ZNF584: variants seen among roughly 807,000 people sequenced by gnomAD.
ZNF584 encodes zinc finger protein 584.
Under a neutral mutation model 14.7 loss-of-function variants are expected in ZNF584, and 12 were observed. The observed-to-expected ratio is 0.82, with a 90% CI of 0.52 to 1.32. The LOEUF (loss-of-function observed/expected upper bound fraction) is 1.32, where lower values mean the gene tolerates loss of function less well. ZNF584 is among the 40% of genes most tolerant of loss of function. The probability of loss-of-function intolerance (pLI) is 0.00; values close to 1 mark genes in which losing one functional copy is unlikely to be tolerated. For missense variants in ZNF584, 478 were observed against 518.8 expected, an observed-to-expected ratio of 0.92 and a Z score of 0.76; for synonymous variants, 204 against 190.9, an observed-to-expected ratio of 1.07 and a Z score of -0.57.
In ZNF584 at chr19:58,410,544, T is replaced by C. The variant is rs1430945490; in HGVS notation, c.169+453T>C. On this transcript the variant is annotated intron_variant, in intron 2 of 3. Transcript: ENST00000306910. ...ATATATATATATATATATATATATATATATATATATATATGTGTATATATA... is the reference window on the plus strand; with the variant it reads ...ATATATATATATATATATATATATACATATATATATATATGTGTATATATA... Among the ~76,000 whole-genome samples the C allele has an allele frequency of 7.1e-4, 44 of 61,702 alleles. 10 individuals are homozygous for C. The highest frequency in any genetic ancestry group is 5.1e-3 in the African/African-American group (42 of 8,306). The allele number at this position is 61,702 out of a possible 152,430, so 40.5% of individuals were successfully genotyped here.
At chr19:58,413,479 GGGATTAC>G (rs1345059880) in intron 2 of ZNF584, among the ~76,000 whole-genome samples, 60 of 151,754 alleles carry the variant, frequency 4.0e-4, no homozygotes, top group Middle Eastern at 3.4e-3. Flanking sequence ...CCAAGTCGCT[GGGATTAC>G]AGGCATGTGC....
At chr19:58,405,310 C>T (rs1249676176), upstream of ZNF584, 11 of 81,534 alleles carry the variant, frequency 1.3e-4, no homozygotes, top group Non-Finnish European at 2.0e-4. Flanking sequence ...GCTGGCCGGG[C>T]AGAAGGGCTC....
chr19:58,410,675 GTATATATATGTATATATGTA>G lies in ZNF584; in HGVS notation c.169+604_169+623del, dbSNP rs1162482774. Among the ~76,000 whole-genome samples, 3 of 48,890 alleles carry G rather than the reference GTATATATATGTATATATGTA, an allele frequency of 6.1e-5. 1 individual carries two copies. Among genetic ancestry groups the G allele is most frequent in the Non-Finnish European group, 1.0e-4 (3 of 29,840 alleles). The allele number at this position is 48,890 out of a possible 152,430, so 32.1% of individuals were successfully genotyped here. On this transcript the variant is annotated intron_variant, in intron 2 of 3. Coordinates refer to ENST00000306910, the MANE Select transcript of ZNF584 (RefSeq NM_173548.3). The stretch of plus-strand genomic sequence containing the variant: ...TATATGTGTATATATGTATATATGT[GTATATATATGTATATATGTA>G]TATATATATGTATATATGTGTATAT...
chr19:58,407,604 AG>A (rs1168173669), upstream of ZNF584, among the ~76,000 whole-genome samples: 1 of 152,160 alleles, frequency 6.6e-6, no homozygotes, highest in Non-Finnish European at 1.5e-5. Flanking sequence ...GAAAGAACAG[AG>A]GAAAAAAACC....
At chr19:58,411,578 A>G (rs1443540201) in intron 2 of ZNF584, among the ~76,000 whole-genome samples, 2 of 152,062 alleles carry the variant, frequency 1.3e-5, no homozygotes, top group African/African-American at 2.4e-5. Context: ...TGCTTTTCCA[A>G]TGTCTAATGA....
chr19:58,410,518 A>AATATATAGAT (rs2052531349), intron 2 of ZNF584, among the ~76,000 whole-genome samples: 1 of 77,184 alleles, frequency 1.3e-5, no homozygotes, highest in African/African-American at 5.0e-5. Flanking sequence ...CGGTTTGGGA[A>AATATATAGAT]ATATATATAT....
chr19:58,404,200 G>C (rs1169953189), upstream of ZNF584: 1 of 153,730 alleles, frequency 6.5e-6, no homozygotes, highest in African/African-American at 2.4e-5. Flanking sequence ...ACCCGTGGGA[G>C]AGATCAGGCC....
intron 2 of ZNF584, among the ~76,000 whole-genome samples, chr19:58,411,461 G>A (rs2052570991): frequency 6.6e-6 from 1 of 151,342 alleles, no homozygotes; most frequent in Admixed American, 6.6e-5. Flanking sequence ...GGGAGGTGGA[G>A]GTTGCAGTGA....
At chr19:58,409,351 G>A (rs2052511524) in intron 1 of ZNF584, 186 bp downstream of exon 1, 2 of 737,230 alleles carry the variant, frequency 2.7e-6, no homozygotes, top group Middle Eastern at 4.3e-4. Context: ...GGGACAGGAT[G>A]GGGTCGTAGT....
chr19:58,416,919 C>G lies in ZNF584; in HGVS notation c.401C>G (p.Thr134Ser). Residue 134 changes from threonine (T) to serine (S), a missense_variant, in exon 4 of 4, where the codon ACT (threonine) becomes AGT (serine). Thr to Ser is a moderately conservative substitution (Grantham distance 58, BLOSUM62 1). Around this residue, in one of 3 missense-constraint regions of ZNF584, gnomAD observed 189 missense variants for 177.9 expected, o/e 1.06. Coordinates refer to ENST00000306910, the MANE Select transcript of ZNF584 (RefSeq NM_173548.3). The stretch of plus-strand genomic sequence containing the variant: ...AGTGAGGGGAAACCAAGAAGGCACA[C>G]TGAGCATGGGGCAGCTTTCCCACCT... The part of the protein sequence containing the change: ...THSEGKPRRH[T>S]EHGAAFPPGS... The G allele has an allele frequency of 6.2e-7, 1 of 1,613,116 alleles. No individual in the cohort carries two copies. Among genetic ancestry groups the G allele is most frequent in the Non-Finnish European group, 8.5e-7 (1 of 1,179,422 alleles).
intron 3 of ZNF584, chr19:58,416,027 C>G: frequency 6.7e-7 from 1 of 1,489,424 alleles, no homozygotes; most frequent in Non-Finnish European, 9.0e-7. Context: ...AGACACATGC[C>G]TCCTCATAGT....
chr19:58,410,463 A>G lies in ZNF584; in HGVS notation c.169+372A>G, dbSNP rs537196757. Among the ~76,000 whole-genome samples, 9 of 147,226 alleles carry G rather than the reference A, an allele frequency of 6.1e-5. No individual in the cohort carries two copies. In the East Asian group the frequency reaches 1.8e-3, roughly 30 times the overall value. ...TGCCTCCCTACAAAAGAAATTTTAC[A>G]GGGACCTCCCTGGGCCAGGCTTGAG... On this transcript the variant is annotated intron_variant, in intron 2 of 3. Coordinates refer to ENST00000306910, the MANE Select transcript of ZNF584 (RefSeq NM_173548.3).
intron 2 of ZNF584, among the ~76,000 whole-genome samples, chr19:58,410,545 A>AATTTTTTTTTTTTTTTTTTTTTTTT: frequency 3.3e-5 from 1 of 30,590 alleles, no homozygotes; most frequent in African/African-American, 2.7e-4. Context: ...ATATATATAT[A>AATTTTTTTTTTTTTTTTTTTTTTTT]TATATATATA....
At chr19:58,410,551 A>ATATATATATGTG (rs2052539961) in intron 2 of ZNF584, among the ~76,000 whole-genome samples, 1 of 31,442 alleles carries the variant, frequency 3.2e-5, no homozygotes, top group East Asian at 5.1e-4. Flanking sequence ...ATATATATAT[A>ATATATATATGTG]TATATATGTG....
chr19:58,415,452 T>G, intron 2 of ZNF584, 72 bp from the exon 3 acceptor site: 3 of 1,550,110 alleles, frequency 1.9e-6, no homozygotes, highest in East Asian at 2.3e-5. Flanking sequence ...CTACCTCACT[T>G]TCCAAAGTGC....
At chr19:58,404,242 C>CT (rs58552279), upstream of ZNF584, 25,065 of 142,254 alleles carry the variant, frequency 0.18, 2,335 homozygotes, top group Non-Finnish European at 0.22. Context: ...TTTTTTTTTT[C>CT]TTTTTTTTTT....
rs375146809 is a variant in ZNF584 at position 58,415,817 on chromosome 19, A to G, written c.292+171A>G. ...GTCTGCCATCTCTACCATGATTTTC[A>G]GGCCCCGCATGTTCCTGCCTCTCTG... is the stretch of plus-strand genomic sequence containing the variant. On this transcript the variant is annotated intron_variant, in intron 3 of 3. Transcript: ENST00000306910. 143 of 1,604,212 alleles carry G rather than the reference A, an allele frequency of 8.9e-5. No individual in the cohort carries two copies. In the African/African-American group the frequency reaches 1.8e-3, roughly 20 times the overall value.
chr19:58,417,087 C>T lies in ZNF584; in HGVS notation c.569C>T (p.Pro190Leu). 1 of 1,613,908 alleles carries T rather than the reference C, an allele frequency of 6.2e-7. No individual in the cohort carries two copies. Among genetic ancestry groups the T allele is most frequent in the Non-Finnish European group, 8.5e-7 (1 of 1,179,862 alleles). ...THSEERPFRC[P>L]TGRSAFKKSA... ...TCTGAAGAGAGACCCTTCAGATGCCCAACAGGCAGAAGTGCTTTCAAGAAG... is the reference window on the plus strand; with the variant it reads ...TCTGAAGAGAGACCCTTCAGATGCCTAACAGGCAGAAGTGCTTTCAAGAAG... Residue 190 changes from proline to leucine, a missense_variant, in exon 4 of 4, where the codon CCA becomes CTA. Pro to Leu is a moderately conservative substitution (Grantham distance 98). Transcript: ENST00000306910.
chr19:58,411,333 C>T (rs918822029), intron 2 of ZNF584, among the ~76,000 whole-genome samples: 2 of 151,576 alleles, frequency 1.3e-5, no homozygotes, highest in African/African-American at 4.8e-5. Context: ...TCAAGACCAG[C>T]GTGGTCAACA....
Sources: gnomAD v4.1 joint callset for allele counts (sites outside exome capture counted in the v4.1 genomes callset) on GRCh38, gnomAD v4.1.1 for gene constraint, gnomAD v4.1.1 regional missense constraint, MANE v1.5 for transcripts, NCBI Gene and HGNC (gene_info 2026-07-23, HGNC 2026-07-21) for gene names.